The following CAMKMT variants were observed in gnomAD, a reference collection of about 807,000 sequenced individuals.
CAMKMT encodes calmodulin-lysine N-methyltransferase.
Under a neutral mutation model 48.0 loss-of-function variants are expected in CAMKMT, and 53 were observed. That is an observed-to-expected ratio of 1.10 (90% CI 0.89 to 1.39). The LOEUF is 1.39. Among genes scored for constraint, CAMKMT ranks in the 40% most tolerant of loss-of-function variants. CAMKMT has a pLI of 0.00. For missense variants in CAMKMT, 428 were observed against 402.7 expected, an observed-to-expected ratio of 1.06 and a Z score of -0.54; for synonymous variants, 165 against 152.3, an observed-to-expected ratio of 1.08 and a Z score of -0.61.
At chr2:44,726,823 T>C (rs778878782) in intron 7 of CAMKMT, among the ~76,000 whole-genome samples, 12 of 152,214 alleles carry the variant, frequency 7.9e-5, no homozygotes, top group Non-Finnish European at 1.6e-4. Context: ...TCCAATTTTA[T>C]TCTTCTGCAT....
intron 3 of CAMKMT, among the ~76,000 whole-genome samples, chr2:44,534,928 T>G (rs533383604): frequency 6.6e-6 from 1 of 151,240 alleles, no homozygotes; most frequent in South Asian, 2.1e-4. Flanking sequence ...ATAAAAAGGA[T>G]CAGTGAAATG....
At chr2:44,500,465 T>C (rs1185881531) in intron 3 of CAMKMT, among the ~76,000 whole-genome samples, 1 of 152,176 alleles carries the variant, frequency 6.6e-6, no homozygotes, top group Non-Finnish European at 1.5e-5. Context: ...TGTAGTCATC[T>C]AGTTTATAAG....
intron 9 of CAMKMT, 82 bp from the exon 10 acceptor site, chr2:44,766,348 C>T (rs11679997): frequency 0.17 from 259,317 of 1,488,096 alleles, 24,200 homozygotes; most frequent in South Asian, 0.3. Context: ...GAGAGCAGTA[C>T]ATTAAATGCT....
intron 3 of CAMKMT, among the ~76,000 whole-genome samples, chr2:44,423,579 C>T (rs1414633302): frequency 6.6e-6 from 1 of 152,290 alleles, no homozygotes; most frequent in Admixed American, 6.5e-5. Flanking sequence ...ATAAATAATT[C>T]TGTGAGCCTA....
intron 3 of CAMKMT, among the ~76,000 whole-genome samples, chr2:44,683,678 G>A (rs915638298): frequency 4.0e-5 from 6 of 151,636 alleles, no homozygotes; most frequent in African/African-American, 1.5e-4. Flanking sequence ...AAAAAATTAG[G>A]CGGGCGTGGT....
At chr2:44,424,123 CTT>C (rs754137232) in intron 3 of CAMKMT, among the ~76,000 whole-genome samples, 7 of 152,114 alleles carry the variant, frequency 4.6e-5, no homozygotes, top group Non-Finnish European at 8.8e-5. Flanking sequence ...TTCTCGTCCT[CTT>C]ATACTATTTG....
intron 3 of CAMKMT, among the ~76,000 whole-genome samples, chr2:44,668,362 C>T (rs1675126565): frequency 1.3e-5 from 2 of 152,188 alleles, no homozygotes; most frequent in Admixed American, 1.3e-4. Context: ...CCCAGCTCTC[C>T]TCGCCAGCTT....
chr2:44,537,593 C>G (rs1470797929), intron 3 of CAMKMT, among the ~76,000 whole-genome samples: 1 of 151,830 alleles, frequency 6.6e-6, no homozygotes. Flanking sequence ...GAGACAGGAT[C>G]TCATTTCTGT....
At chr2:44,768,361 A>ATATATATAT (rs35058824) in intron 10 of CAMKMT, among the ~76,000 whole-genome samples, 13 of 115,730 alleles carry the variant, frequency 1.1e-4, no homozygotes, top group South Asian at 8.8e-4. Context: ...ATATATATAT[A>ATATATATAT]TTTTTTTTTT....
At chr2:44,607,145 C>T (rs1671332095) in intron 3 of CAMKMT, among the ~76,000 whole-genome samples, 1 of 152,214 alleles carries the variant, frequency 6.6e-6, no homozygotes, top group Non-Finnish European at 1.5e-5. Context: ...TGCAAATTCC[C>T]ATGACAGGGC....
intron 3 of CAMKMT, among the ~76,000 whole-genome samples, chr2:44,469,239 A>G (rs1415853153): frequency 1.3e-5 from 2 of 150,796 alleles, no homozygotes; most frequent in African/African-American, 4.9e-5. Flanking sequence ...GTATCCATAA[A>G]TGTGTACAAT....
chr2:44,426,342 A>G (rs140265000), intron 3 of CAMKMT, among the ~76,000 whole-genome samples: 6 of 152,322 alleles, frequency 3.9e-5, no homozygotes, highest in South Asian at 2.1e-4. Flanking sequence ...AACCAGAGCA[A>G]TCAGGCAAGA....
intron 7 of CAMKMT, among the ~76,000 whole-genome samples, chr2:44,728,576 C>T (rs1451861561): frequency 6.6e-6 from 1 of 152,068 alleles, no homozygotes; most frequent in Non-Finnish European, 1.5e-5. Context: ...TAGGTTATGA[C>T]TGACTTAATT....
At chr2:44,541,135 G>A (rs896396674) in intron 3 of CAMKMT, among the ~76,000 whole-genome samples, 19 of 152,116 alleles carry the variant, frequency 1.2e-4, no homozygotes, top group African/African-American at 4.6e-4. Flanking sequence ...TGACAGTATG[G>A]CTAGTCCCAT....
At chr2:44,680,309 T>G (rs964436845) in intron 3 of CAMKMT, among the ~76,000 whole-genome samples, 1 of 152,164 alleles carries the variant, frequency 6.6e-6, no homozygotes, top group Admixed American at 6.5e-5. Flanking sequence ...ATTTTCCCTT[T>G]TCATGGGAGT....
intron 3 of CAMKMT, among the ~76,000 whole-genome samples, chr2:44,620,004 C>A (rs1019253861): frequency 1.3e-5 from 2 of 152,124 alleles, no homozygotes; most frequent in African/African-American, 4.8e-5. Flanking sequence ...TTCAGTACTT[C>A]TTTTATATTA....
chr2:44,410,296 G>A (rs1405137946), intron 3 of CAMKMT, among the ~76,000 whole-genome samples: 4 of 20,596 alleles, frequency 1.9e-4, no homozygotes, highest in Non-Finnish European at 3.8e-4. Flanking sequence ...TTGCTCTGTC[G>A]CCCACGCTGG....
chr2:44,434,624 C>A (rs1308618687), intron 3 of CAMKMT, among the ~76,000 whole-genome samples: 1 of 152,064 alleles, frequency 6.6e-6, no homozygotes, highest in African/African-American at 2.4e-5. Flanking sequence ...ATTGTCTCCC[C>A]AAGATCAATT....
chr2:44,408,004 G>A (rs1682899147), intron 3 of CAMKMT, among the ~76,000 whole-genome samples: 1 of 149,814 alleles, frequency 6.7e-6, no homozygotes, highest in Admixed American at 6.7e-5. Flanking sequence ...TTTAGAGGCA[G>A]AAGACAACAG....
Sources: gnomAD v4.1 joint callset for allele counts (sites outside exome capture counted in the v4.1 genomes callset) on GRCh38, gnomAD v4.1.1 for gene constraint, MANE v1.5 for transcripts, NCBI Gene and HGNC (gene_info 2026-07-23, HGNC 2026-07-21) for gene names.